The following MED27 variants were observed in gnomAD, a reference collection of about 807,000 sequenced individuals.
MED27 encodes the protein mediator of RNA polymerase II transcription subunit 27.
MED27 carries 30 observed loss-of-function variants against 38.2 expected under a neutral mutation model. The ratio of observed to expected loss-of-function variants is 0.79; its 90% confidence interval spans 0.59 to 1.07. The LOEUF (loss-of-function observed/expected upper bound fraction) is 1.07, where lower values mean the gene tolerates loss of function less well. Among genes scored for constraint, MED27 ranks in the 50% least tolerant of loss-of-function variants. MED27 has a pLI of 0.00. For synonymous variants in MED27, 122 were observed against 153.5 expected, an observed-to-expected ratio of 0.79 and a Z score of 1.52; for missense variants, 289 against 397.5, an observed-to-expected ratio of 0.73 and a Z score of 2.32.
intron 3 of MED27, among the ~76,000 whole-genome samples, chr9:131,954,163 T>C (rs1831050078): frequency 6.6e-6 from 1 of 152,096 alleles, no homozygotes; most frequent in African/African-American, 2.4e-5. Flanking sequence ...GAAGGAGAAA[T>C]GGACAAGCAC....
chr9:132,041,727 T>C (rs962289606), intron 2 of MED27, among the ~76,000 whole-genome samples: 2 of 152,222 alleles, frequency 1.3e-5, no homozygotes, highest in South Asian at 4.1e-4. Context: ...AAATTTGTTC[T>C]TAAGGGCCAA....
chr9:131,879,237 T>G (rs1317587980), intron 6 of MED27, among the ~76,000 whole-genome samples: 2 of 152,044 alleles, frequency 1.3e-5, no homozygotes, highest in Non-Finnish European at 2.9e-5. Context: ...AATAAAAAGG[T>G]GAGTGTTAGC....
intron 3 of MED27, among the ~76,000 whole-genome samples, chr9:132,002,475 C>T (rs1299700662): frequency 1.3e-5 from 2 of 152,164 alleles, no homozygotes; most frequent in Non-Finnish European, 2.9e-5. Flanking sequence ...GTCACTGTAC[C>T]TGTGAGAGCT....
intron 3 of MED27, among the ~76,000 whole-genome samples, chr9:131,993,972 T>A (rs935803166): frequency 6.6e-6 from 1 of 152,182 alleles, no homozygotes; most frequent in African/African-American, 2.4e-5. Context: ...CCTGGCACCC[T>A]AAGCTGCTGG....
At chr9:132,056,239 A>C (rs1335006010) in intron 2 of MED27, among the ~76,000 whole-genome samples, 1 of 152,234 alleles carries the variant, frequency 6.6e-6, no homozygotes, top group Non-Finnish European at 1.5e-5. Flanking sequence ...TTAGTTCCAC[A>C]ACAGACACTG....
Position 132,079,669 on chromosome 9 carries a change from T to C in MED27, c.176A>G (p.Asn59Ser). The C allele has an allele frequency of 6.2e-7, 1 of 1,612,656 alleles. No individual in the cohort carries two copies. The highest frequency in any genetic ancestry group is 1.1e-5 in the South Asian group (1 of 91,018). The change falls in exon 1 of 8, where the codon AAC becomes AGC. Residue 59 changes from asparagine (N) to serine (S), a missense_variant. Coordinates refer to ENST00000292035, the MANE Select transcript of MED27 (RefSeq NM_004269.4). ...GAGGTCCCGGTTGACCGAATGTAAG[T>C]TGTCCTGGAAGTGCGCAATAAAGGC... ...EKAFIAHFQD[N>S]LHSVNRDLNE...
chr9:131,929,260 G>A (rs1436401907), intron 4 of MED27, among the ~76,000 whole-genome samples: 2 of 152,172 alleles, frequency 1.3e-5, no homozygotes, highest in East Asian at 3.9e-4. Flanking sequence ...ACTCTGAGAC[G>A]TGCTGGCTTC....
chr9:131,908,979 G>T (rs1830139498), intron 4 of MED27, among the ~76,000 whole-genome samples: 2 of 152,162 alleles, frequency 1.3e-5, no homozygotes, highest in African/African-American at 4.8e-5. Context: ...TCAAGATGGA[G>T]TTGCTCTGGT....
intron 2 of MED27, among the ~76,000 whole-genome samples, chr9:132,016,078 G>A (rs536398124): frequency 1.4e-4 from 21 of 152,094 alleles, no homozygotes; most frequent in Non-Finnish European, 2.4e-4. Context: ...TACAGCTCAC[G>A]GTAATGAAAC....
At chr9:131,891,863 G>A (rs1002509145) in intron 5 of MED27, among the ~76,000 whole-genome samples, 2 of 152,114 alleles carry the variant, frequency 1.3e-5, no homozygotes, top group Admixed American at 6.5e-5. Context: ...GGTGGAGAGG[G>A]ATGGGGGGCC....
At chr9:131,919,672 A>T (rs902103430) in intron 4 of MED27, among the ~76,000 whole-genome samples, 3 of 152,204 alleles carry the variant, frequency 2.0e-5, no homozygotes, top group Non-Finnish European at 2.9e-5. Context: ...TGCCCAGCAC[A>T]GGGAATGCTC....
rs183449662 is a variant in MED27 at position 131,868,267 on chromosome 9, T to C, written c.724-5127A>G. On this transcript the variant is annotated intron_variant, in intron 6 of 7. Transcript: ENST00000292035. ...TTTAATTCCCACACTAACTTGGAGA[T>C]AGGTGCTTTTCTTTTTCTTCTTTTC... Among the ~76,000 whole-genome samples the C allele has an allele frequency of 4.5e-3, 680 of 152,314 alleles. 4 individuals carry two copies. Among genetic ancestry groups the C allele is most frequent in the African/African-American group, 0.015 (625 of 41,580 alleles).
intron 4 of MED27, among the ~76,000 whole-genome samples, chr9:131,938,097 A>G (rs1171006263): frequency 1.3e-5 from 2 of 152,206 alleles, no homozygotes; most frequent in East Asian, 3.9e-4. Context: ...ACGAAGTAAC[A>G]AACATTTAAC....
intron 3 of MED27, among the ~76,000 whole-genome samples, chr9:131,940,519 G>C (rs1830767285): frequency 6.6e-6 from 1 of 152,078 alleles, no homozygotes; most frequent in South Asian, 2.1e-4. Flanking sequence ...AGGTTCAAGA[G>C]ATTCTCATGC....
At chr9:132,068,545 T>C (rs7866796) in intron 2 of MED27, among the ~76,000 whole-genome samples, 149,085 of 152,254 alleles carry the variant, frequency 0.98, 73,003 homozygotes, top group East Asian at 1. Context: ...GGAGAGGCAG[T>C]ACCAGTCAAG....
At chr9:131,943,415 ACT>A (rs1366225081) in intron 3 of MED27, among the ~76,000 whole-genome samples, 2 of 151,958 alleles carry the variant, frequency 1.3e-5, no homozygotes, top group African/African-American at 4.8e-5. Context: ...CTCTGGCAGT[ACT>A]CTCTGAGTGC....
At chr9:131,959,855 G>A (rs967954891) in intron 3 of MED27, among the ~76,000 whole-genome samples, 1 of 152,050 alleles carries the variant, frequency 6.6e-6, no homozygotes, top group East Asian at 1.9e-4. Flanking sequence ...CATAAAATAC[G>A]TGTTCTTTGC....
chr9:131,862,309 G>A lies in MED27; in HGVS notation c.801+754C>T, dbSNP rs534922185. Among the ~76,000 whole-genome samples the A allele has an allele frequency of 6.6e-5, 10 of 152,310 alleles. No individual in the cohort carries two copies. In the East Asian group the frequency reaches 7.7e-4, roughly 12 times the overall value. ...GAAGAAAACAGGGAGTCCCAGCAGC[G>A]GTGGATGATGGGGTCTGCTGGCGTG... On this transcript the variant is annotated intron_variant, in intron 7 of 7. Transcript: ENST00000292035. The surrounding 1 kb of genome is among the most constrained non-coding windows in gnomAD (Gnocchi z 4.6).
chr9:132,015,717 C>A (rs755959372), intron 2 of MED27, among the ~76,000 whole-genome samples: 3 of 152,162 alleles, frequency 2.0e-5, no homozygotes, highest in Admixed American at 6.5e-5. Flanking sequence ...TCCAATTTGA[C>A]GTGTGACAAT....
Sources: allele counts gnomAD v4.1 joint callset (sites outside exome capture counted in the v4.1 genomes callset), GRCh38; gene constraint gnomAD v4.1.1; non-coding constraint Gnocchi (gnomAD v3.1); transcripts MANE v1.5; gene names NCBI Gene and HGNC (gene_info 2026-07-23, HGNC 2026-07-21).